Variants in TEK observed in about 807,000 individuals in gnomAD.
The protein encoded by TEK is angiopoietin-1 receptor.
A neutral mutation model predicts 131.8 loss-of-function variants in TEK; 43 were observed. The observed-to-expected ratio is 0.33, with a 90% CI of 0.26 to 0.42. The LOEUF is 0.42. Ranked by LOEUF, TEK falls within the 10% of genes least tolerant of loss-of-function variation. The probability of loss-of-function intolerance (pLI) is 1.00; values close to 1 mark genes in which losing one functional copy is unlikely to be tolerated. For synonymous variants in TEK, 580 were observed against 491.6 expected (o/e 1.18, Z -2.38); for missense variants, 1,162 against 1,384.4 (o/e 0.84, Z 2.55).
chr9:27,189,723 G>A (rs1824737729), intron 9 of TEK, among the ~76,000 whole-genome samples: 1 of 152,114 alleles, frequency 6.6e-6, no homozygotes, highest in South Asian at 2.1e-4. Flanking sequence ...GAAAGAACAA[G>A]GAAACAGATG....
At chr9:27,228,481 G>A (rs1826427136) in intron 22 of TEK, among the ~76,000 whole-genome samples, 176 bp downstream of exon 22, 2 of 152,082 alleles carry the variant, frequency 1.3e-5, no homozygotes, top group Non-Finnish European at 1.5e-5. Context: ...ATTTTGGGGG[G>A]AAATAAGATT....
At position 27,169,020 on chromosome 9, in the gene TEK, T is replaced by C. The variant is rs1355469623; in HGVS notation, c.475+415T>C. Among the ~76,000 whole-genome samples, 3 of 152,328 alleles carry C rather than the reference T, an allele frequency of 2.0e-5. No individual in the cohort carries two copies. In the East Asian group the frequency reaches 5.8e-4, roughly 29 times the overall value. Reference sequence around the variant, plus strand: ...AAATGTGTCTAGGTCCTAGCTATGGTTTCGTACCACCCAGTGTCAGTTGCC... The same window carrying C: ...AAATGTGTCTAGGTCCTAGCTATGGCTTCGTACCACCCAGTGTCAGTTGCC... On this transcript the variant is annotated intron_variant, in intron 3 of 22. Transcript: ENST00000380036.
chr9:27,166,287 A>G (rs745427808), intron 2 of TEK, among the ~76,000 whole-genome samples: 31 of 152,384 alleles, frequency 2.0e-4, no homozygotes, highest in Middle Eastern at 3.4e-3. Context: ...GTGTATTTCA[A>G]TAACTGAGCA....
At chr9:27,162,863 G>A (rs1485500920) in intron 2 of TEK, among the ~76,000 whole-genome samples, 3 of 151,922 alleles carry the variant, frequency 2.0e-5, no homozygotes, top group African/African-American at 4.8e-5. Context: ...CTACAGGTGC[G>A]CACCACCATG....
chr9:27,123,964 A>G (rs977668102), intron 1 of TEK, among the ~76,000 whole-genome samples: 6 of 152,170 alleles, frequency 3.9e-5, no homozygotes, highest in East Asian at 1.9e-4. Flanking sequence ...TTTAGTAGAG[A>G]TGGGGTTTCG....
At chr9:27,146,888 C>A (rs1028787663) in intron 1 of TEK, among the ~76,000 whole-genome samples, 2 of 151,920 alleles carry the variant, frequency 1.3e-5, no homozygotes, top group Non-Finnish European at 2.9e-5. Context: ...CACCACCACG[C>A]CCGGCTAATT....
chr9:27,160,449 C>A (rs988281665), intron 2 of TEK, among the ~76,000 whole-genome samples: 5 of 152,134 alleles, frequency 3.3e-5, no homozygotes, highest in Non-Finnish European at 5.9e-5. Flanking sequence ...GTTGAACATG[C>A]TTACAGATCA....
intron 1 of TEK, among the ~76,000 whole-genome samples, chr9:27,133,393 C>G (rs916380408): frequency 6.6e-6 from 1 of 152,190 alleles, no homozygotes; most frequent in Admixed American, 6.5e-5. Flanking sequence ...TTGCCCTTCA[C>G]TTTACCATTT....
chr9:27,125,302 T>G (rs111254317), intron 1 of TEK, among the ~76,000 whole-genome samples: 52 of 152,350 alleles, frequency 3.4e-4, no homozygotes, highest in Non-Finnish European at 6.3e-4. Context: ...AAATTATGAT[T>G]GCAGCATGAG....
chr9:27,212,915 C>A lies in TEK; in HGVS notation c.2877+18C>A. 1 of 1,612,132 alleles carries A rather than the reference C, an allele frequency of 6.2e-7. No homozygotes were observed. The highest frequency in any genetic ancestry group is 8.5e-7 in the Non-Finnish European group (1 of 1,179,692). ...AAAAACAGGTTTGTCCGGAGGACTT[C>A]GCTTTGGATATCTTTCCTGTGGAGT... On this transcript the variant is annotated intron_variant, in intron 17 of 22. Transcript: ENST00000380036.
rs762495403 is a variant in TEK, at chr9:27,220,141, G to A, written c.3196G>A (p.Glu1066Lys). 6.2e-7 allele frequency: 1 copy of A among 1,613,652 alleles called. No individual in the cohort carries two copies. Among genetic ancestry groups the A allele is most frequent in the African/African-American group, 1.3e-5 (1 of 74,910 alleles). The change falls in exon 21 of 23, where the codon GAG becomes AAG. Residue 1066 changes from glutamate to lysine, a missense_variant. Physicochemically the swap from Glu to Lys is moderately conservative, Grantham distance 56 (BLOSUM62 1). Transcript: ENST00000380036. ...RLEKPLNCDD[E>K]VYDLMRQCWR... is the part of the protein sequence containing the mutation. ...GGAGAAGCCCCTGAACTGTGATGAT[G>A]AGGTGTAAGTCAGGCCTCATCCTGG...
chr9:27,165,310 C>T (rs371479980), intron 2 of TEK, among the ~76,000 whole-genome samples: 14 of 152,146 alleles, frequency 9.2e-5, no homozygotes, highest in East Asian at 3.9e-4. Flanking sequence ...TAGACAGGAA[C>T]AACAGCATGA....
At chr9:27,153,819 C>T (rs1355251865) in intron 1 of TEK, among the ~76,000 whole-genome samples, 1 of 152,188 alleles carries the variant, frequency 6.6e-6, no homozygotes. Context: ...GCAGCCATGC[C>T]TTTCATGGTG....
chr9:27,209,437 T>A (rs961603074), intron 16 of TEK, among the ~76,000 whole-genome samples: 1 of 152,158 alleles, frequency 6.6e-6, no homozygotes, highest in East Asian at 1.9e-4. Context: ...GCTGGACTAT[T>A]TAGCCTCTGA....
chr9:27,220,933 T>C (rs1388513919), intron 21 of TEK, among the ~76,000 whole-genome samples: 1 of 152,168 alleles, frequency 6.6e-6, no homozygotes, highest in Non-Finnish European at 1.5e-5. Context: ...AAGTAAGAAC[T>C]ATTCACTCCC....
intron 2 of TEK, among the ~76,000 whole-genome samples, chr9:27,158,569 G>C (rs1375973959): frequency 6.6e-6 from 1 of 151,826 alleles, no homozygotes; most frequent in Admixed American, 6.6e-5. Flanking sequence ...ATATTTTCAG[G>C]AGAAAATTAA....
chr9:27,189,749 A>G (rs1824739110), intron 9 of TEK, among the ~76,000 whole-genome samples: 1 of 152,174 alleles, frequency 6.6e-6, no homozygotes, highest in South Asian at 2.1e-4. Flanking sequence ...CTAAGCCTCC[A>G]GAAAGGAACA....
chr9:27,181,956 G>A (rs570573437), intron 7 of TEK, among the ~76,000 whole-genome samples: 16 of 151,006 alleles, frequency 1.1e-4, no homozygotes, highest in Admixed American at 4.0e-4. Flanking sequence ...GGGAGTGGGG[G>A]TGGGATGCCA....
chr9:27,158,719 G>A (rs1351225260), intron 2 of TEK, among the ~76,000 whole-genome samples: 1 of 151,012 alleles, frequency 6.6e-6, no homozygotes, highest in Non-Finnish European at 1.5e-5. Flanking sequence ...GAGTGCAGTG[G>A]CATGATTTTG....
Sources: gnomAD v4.1 joint callset for allele counts (sites outside exome capture counted in the v4.1 genomes callset) on GRCh38, gnomAD v4.1.1 for gene constraint, MANE v1.5 for transcripts, NCBI Gene and HGNC (gene_info 2026-07-23, HGNC 2026-07-21) for gene names.